The following SH2D4B variants were observed in gnomAD, a reference collection of about 807,000 sequenced individuals.
SH2D4B encodes the protein SH2 domain-containing protein 4B.
A neutral mutation model predicts 61.5 loss-of-function variants in SH2D4B; 45 were observed. That is an observed-to-expected ratio of 0.73 (90% CI 0.58 to 0.94). SH2D4B has a LOEUF of 0.94. Ranked by LOEUF, SH2D4B falls within the 40% of genes least tolerant of loss-of-function variation. The pLI is 0.00. For missense variants in SH2D4B, 572 were observed against 574.2 expected (o/e 1.00, Z 0.04); for synonymous variants, 224 against 220.4 (o/e 1.02, Z -0.14).
chr10:80,583,745 T>G (rs1016198831), intron 3 of SH2D4B, among the ~76,000 whole-genome samples: 2 of 152,098 alleles, frequency 1.3e-5, no homozygotes, highest in African/African-American at 2.4e-5. Flanking sequence ...AGAAGACCAT[T>G]ATTTGACAAA....
At chr10:80,604,345 G>A (rs993814197) in intron 5 of SH2D4B, among the ~76,000 whole-genome samples, 21 of 152,298 alleles carry the variant, frequency 1.4e-4, no homozygotes, top group African/African-American at 3.8e-4. Context: ...GTGACTGTCC[G>A]AAATTGCCAG....
chr10:80,585,714 A>G (rs1196335805), intron 3 of SH2D4B, among the ~76,000 whole-genome samples: 2 of 152,166 alleles, frequency 1.3e-5, no homozygotes, highest in African/African-American at 4.8e-5. Context: ...ACAGCGTGCT[A>G]GCAGCCCTCA....
chr10:80,588,810 C>T (rs776913008), intron 4 of SH2D4B, 33 bp downstream of exon 4: 1 of 1,611,132 alleles, frequency 6.2e-7, no homozygotes, highest in Admixed American at 1.7e-5. Flanking sequence ...GCAGGGAGAC[C>T]AGTCCCGCCT....
At chr10:80,596,529 A>G (rs1250799360) in intron 4 of SH2D4B, among the ~76,000 whole-genome samples, 2 of 152,204 alleles carry the variant, frequency 1.3e-5, no homozygotes, top group Non-Finnish European at 2.9e-5. Context: ...TCTGGCCTGC[A>G]GCTTAGGTAT....
At chr10:80,556,479 AG>A (rs1365784330) in intron 1 of SH2D4B, among the ~76,000 whole-genome samples, 3 of 152,202 alleles carry the variant, frequency 2.0e-5, no homozygotes, top group Admixed American at 1.3e-4. Context: ...TTCTGTAAAA[AG>A]CTTTCTGGGA....
intron 3 of SH2D4B, among the ~76,000 whole-genome samples, chr10:80,573,130 G>A (rs1382774675): frequency 4.2e-5 from 6 of 141,808 alleles, no homozygotes; most frequent in African/African-American, 1.1e-4. Context: ...GACTACAGGC[G>A]CCCGCCACCG....
At chr10:80,577,129 A>G (rs1266424895) in intron 3 of SH2D4B, among the ~76,000 whole-genome samples, 1 of 152,162 alleles carries the variant, frequency 6.6e-6, no homozygotes, top group Non-Finnish European at 1.5e-5. Context: ...CTCTCTTGCG[A>G]TGCTCATTTT....
intron 6 of SH2D4B, among the ~76,000 whole-genome samples, chr10:80,619,509 A>G (rs1194139993): frequency 1.3e-5 from 2 of 152,320 alleles, no homozygotes; most frequent in South Asian, 2.1e-4. Flanking sequence ...TGAAGTCTCC[A>G]TCAAGGCCCC....
chr10:80,604,091 T>C (rs1428203947), intron 5 of SH2D4B, among the ~76,000 whole-genome samples: 7 of 152,158 alleles, frequency 4.6e-5, no homozygotes, highest in African/African-American at 1.7e-4. Flanking sequence ...TATATAAAGA[T>C]CTAGAATGTT....
At chr10:80,542,395 TA>T (rs1564763226) in intron 1 of SH2D4B, among the ~76,000 whole-genome samples, 1 of 119,958 alleles carries the variant, frequency 8.3e-6, no homozygotes, top group African/African-American at 5.2e-5. Context: ...CTGTCAGTTC[TA>T]TCTTTTTTTT....
intron 6 of SH2D4B, among the ~76,000 whole-genome samples, chr10:80,612,292 G>A (rs1842612511): frequency 6.6e-6 from 1 of 151,448 alleles, no homozygotes; most frequent in Non-Finnish European, 1.5e-5. Context: ...GAGGGGCTAG[G>A]ACTTCCTCTG....
intron 6 of SH2D4B, among the ~76,000 whole-genome samples, chr10:80,633,588 T>C (rs1842858428): frequency 6.6e-6 from 1 of 152,160 alleles, no homozygotes; most frequent in Admixed American, 6.5e-5. Flanking sequence ...ATCACCCAGA[T>C]GACAGCGGCT....
chr10:80,560,608 T>G (rs1356890099), intron 1 of SH2D4B, among the ~76,000 whole-genome samples: 2 of 151,778 alleles, frequency 1.3e-5, no homozygotes, highest in African/African-American at 4.8e-5. Context: ...CAGGCTGGTC[T>G]TGAACTCCTG....
chr10:80,538,408 T>G lies in SH2D4B; in HGVS notation c.77T>G (p.Ile26Ser). 1 of 1,479,798 alleles carries G rather than the reference T, an allele frequency of 6.8e-7. No homozygotes were observed. The highest frequency in any genetic ancestry group is 9.0e-7 in the Non-Finnish European group (1 of 1,113,242). The allele number at this position is 1,479,798 out of a possible 1,614,324, so 91.7% of individuals were successfully genotyped here. Reference sequence around the variant, plus strand: ...GAGCTCAGCGATGTGCAGAAGCACATCCTCTTCTACAAAATGCGGGAGGAG... The same window carrying G: ...GAGCTCAGCGATGTGCAGAAGCACAGCCTCTTCTACAAAATGCGGGAGGAG... ...LAELSDVQKH[I>S]LFYKMREEQL... The change falls in exon 1 of 8, where the codon ATC (isoleucine) becomes AGC (serine). Residue 26 changes from isoleucine to serine, a missense_variant. By Grantham distance (142) the Ile-to-Ser change is moderately radical. Coordinates refer to ENST00000646907, the MANE Select transcript of SH2D4B (RefSeq NM_001388272.1). This position sits in a 1 kb window ranked among gnomAD's most constrained non-coding sequence, Gnocchi z 4.8.
intron 6 of SH2D4B, among the ~76,000 whole-genome samples, chr10:80,611,175 CAAAAAAAAAAAAAA>C (rs35997031): frequency 2.2e-5 from 1 of 45,038 alleles, no homozygotes; most frequent in Non-Finnish European, 4.0e-5. Context: ...GACTCAGTCT[CAAAAAAAAAAAAAA>C]AAAAAAAAAA....
intron 1 of SH2D4B, among the ~76,000 whole-genome samples, chr10:80,547,682 T>C (rs575533156): frequency 2.4e-4 from 37 of 152,292 alleles, no homozygotes; most frequent in African/African-American, 8.9e-4. Flanking sequence ...CCTGTCACCA[T>C]GTAAATATTC....
intron 6 of SH2D4B, among the ~76,000 whole-genome samples, chr10:80,615,589 A>G (rs899436204): frequency 6.6e-6 from 1 of 152,216 alleles, no homozygotes; most frequent in Non-Finnish European, 1.5e-5. Flanking sequence ...CTTGAGGGAA[A>G]ATCTGGGGAT....
chr10:80,600,495 G>A (rs923762703), intron 4 of SH2D4B, among the ~76,000 whole-genome samples: 8 of 150,716 alleles, frequency 5.3e-5, no homozygotes, highest in African/African-American at 2.0e-4. Context: ...TGGTGGGAGC[G>A]TGGTGGAGCT....
At chr10:80,629,428 A>C (rs1842805348) in intron 6 of SH2D4B, among the ~76,000 whole-genome samples, 1 of 152,206 alleles carries the variant, frequency 6.6e-6, no homozygotes, top group South Asian at 2.1e-4. Context: ...GGGGACACAC[A>C]TCCAAACTAT....
Sources: allele counts gnomAD v4.1 joint callset (sites outside exome capture counted in the v4.1 genomes callset), GRCh38; gene constraint gnomAD v4.1.1; non-coding constraint Gnocchi (gnomAD v3.1); transcripts MANE v1.5; gene names NCBI Gene and HGNC (gene_info 2026-07-23, HGNC 2026-07-21).